Variants in SOX6 observed in about 807,000 individuals in gnomAD.
SOX6 encodes the protein SRY-box transcription factor 6.
A neutral mutation model predicts 97.8 loss-of-function variants in SOX6; 11 were observed. The observed-to-expected ratio is 0.11, with a 90% CI of 0.07 to 0.19. The LOEUF is 0.19. Among genes scored for constraint, SOX6 ranks in the 10% least tolerant of loss-of-function variants. The probability of loss-of-function intolerance (pLI) is 1.00; values close to 1 mark genes in which losing one functional copy is unlikely to be tolerated. For synonymous variants in SOX6, 360 were observed against 371.4 expected (o/e 0.97, Z 0.35); for missense variants, 810 against 1,039.5 (o/e 0.78, Z 3.04).
At chr11:16,333,573 C>A (rs550656057) in intron 2 of SOX6, among the ~76,000 whole-genome samples, 1 of 151,732 alleles carries the variant, frequency 6.6e-6, no homozygotes, top group Non-Finnish European at 1.5e-5. Flanking sequence ...TTGATTAACC[C>A]TGACCAACTT....
At chr11:16,661,031 T>A (rs1475856199) in intron 3 of SOX6, among the ~76,000 whole-genome samples, 1 of 152,252 alleles carries the variant, frequency 6.6e-6, no homozygotes, top group East Asian at 1.9e-4. Context: ...ACCTGTCTTT[T>A]ACTGATAAAT....
intron 12 of SOX6, among the ~76,000 whole-genome samples, chr11:16,028,802 T>C (rs1183121661): frequency 1.3e-5 from 2 of 152,200 alleles, no homozygotes; most frequent in Non-Finnish European, 2.9e-5. Context: ...CTTCCACTGT[T>C]TCCACAATGG....
chr11:16,722,615 C>T (rs778565558), intron 2 of SOX6, among the ~76,000 whole-genome samples: 2 of 151,944 alleles, frequency 1.3e-5, no homozygotes, highest in Non-Finnish European at 2.9e-5. Context: ...CACACCACTG[C>T]ACTCCAGCCT....
intron 1 of SOX6, among the ~76,000 whole-genome samples, chr11:16,420,670 T>C (rs1565139274): frequency 6.6e-6 from 1 of 152,188 alleles, no homozygotes; most frequent in Non-Finnish European, 1.5e-5. Context: ...ACTCCCCATA[T>C]TTATATAACT....
At chr11:16,022,500 C>T (rs1855096337) in intron 12 of SOX6, among the ~76,000 whole-genome samples, 1 of 151,912 alleles carries the variant, frequency 6.6e-6, no homozygotes, top group Admixed American at 6.6e-5. Context: ...CAACCTCTGC[C>T]TCCCAGATTC....
intron 4 of SOX6, among the ~76,000 whole-genome samples, chr11:16,231,413 A>C (rs1460028613): frequency 6.6e-6 from 1 of 151,758 alleles, no homozygotes; most frequent in Non-Finnish European, 1.5e-5. Context: ...ATAGTCAAAA[A>C]ACTCATTAAA....
chr11:16,043,034 C>T (rs1855718152), intron 12 of SOX6, among the ~76,000 whole-genome samples: 1 of 152,136 alleles, frequency 6.6e-6, no homozygotes, highest in Non-Finnish European at 1.5e-5. Flanking sequence ...TTAACATCTA[C>T]CCCTTCATTA....
rs36059733 is a variant in SOX6 at position 16,717,953 on chromosome 11, CTT to C, written n.354-3050_354-3049del. Among the ~76,000 whole-genome samples the C allele has an allele frequency of 3.1e-4, 42 of 134,748 alleles. No homozygotes were observed. The East Asian group carries it at 3.5e-3, about 11-fold the overall frequency. The allele number at this position is 134,748 out of a possible 152,430, so 88.4% of individuals were successfully genotyped here. A position where few individuals can be genotyped will look rare whatever the true frequency, so the allele number is the denominator to read the frequency against. Reference sequence around the variant, plus strand: ...TTATAACTGTTCTTTTCCTGTTTTTCTTTTTTTTTTTTTTTCCAACCATTTTG... The same window carrying C: ...TTATAACTGTTCTTTTCCTGTTTTTCTTTTTTTTTTTTTCCAACCATTTTG... On this transcript the variant is annotated intron_variant and non_coding_transcript_variant, in intron 2 of 5. Transcript: ENST00000524520.
rs1361103579 is a variant in SOX6, at chr11:16,178,873, TG to T, written c.777+5012del. ...TGTGGGATTGAAGTCAGCTTCTGACTGTCCTCGGTTTTTCTGTTGGGTGCTC... is the reference window on the plus strand; with the variant it reads ...TGTGGGATTGAAGTCAGCTTCTGACTTCCTCGGTTTTTCTGTTGGGTGCTC... On this transcript the variant is annotated intron_variant, in intron 6 of 15. Coordinates refer to ENST00000683767, the MANE Select transcript of SOX6 (RefSeq NM_001367873.1). Among the ~76,000 whole-genome samples, 5 of 152,072 alleles carry T rather than the reference TG, an allele frequency of 3.3e-5. No individual in the cohort carries two copies. In the South Asian group the frequency reaches 6.2e-4, roughly 19 times the overall value.
Position 15,973,087 on chromosome 11 carries a change from T to A in SOX6, c.2209A>T (p.Thr737Ser). 2 of 1,614,108 alleles carry A rather than the reference T, an allele frequency of 1.2e-6. No homozygotes were observed. Among genetic ancestry groups the A allele is most frequent in the Non-Finnish European group, 1.7e-6 (2 of 1,180,024 alleles). Reference protein sequence around the residue: ...VGQQPQIPITTGTGVVYPGAI... With the variant: ...VGQQPQIPITSGTGVVYPGAI... ...CCAGGATACACAACACCTGTTCCTG[T>A]GGTGATTGGAATCTGAGGCTGTTGC... is the stretch of plus-strand genomic sequence containing the variant. The change falls in exon 16 of 16, where the codon ACA becomes TCA. Residue 737 changes from threonine to serine, a missense_variant. Physicochemically the swap from Thr to Ser is moderately conservative, Grantham distance 58. Coordinates refer to ENST00000683767, the MANE Select transcript of SOX6 (RefSeq NM_001367873.1).
intron 4 of SOX6, among the ~76,000 whole-genome samples, chr11:16,485,624 G>A (rs1353674354): frequency 1.3e-5 from 2 of 151,212 alleles, no homozygotes; most frequent in Admixed American, 6.6e-5. Flanking sequence ...CCAGCTACTC[G>A]GGAGGCTGAG....
intron 4 of SOX6, among the ~76,000 whole-genome samples, chr11:16,191,134 T>G (rs1343098058): frequency 6.6e-6 from 1 of 152,188 alleles, no homozygotes; most frequent in African/African-American, 2.4e-5. Flanking sequence ...GATCTTCGAA[T>G]GCTCTTATGC....
intron 2 of SOX6, among the ~76,000 whole-genome samples, chr11:16,337,080 A>T (rs1237281724): frequency 6.6e-6 from 1 of 152,174 alleles, no homozygotes; most frequent in African/African-American, 2.4e-5. Flanking sequence ...GTTCTATGAT[A>T]ACAGGGATCT....
At chr11:16,586,839 C>CA (rs1382801406) in intron 4 of SOX6, among the ~76,000 whole-genome samples, 1 of 152,206 alleles carries the variant, frequency 6.6e-6, no homozygotes, top group Non-Finnish European at 1.5e-5. Context: ...CATAGAAGTA[C>CA]AGACAGTCCT....
chr11:16,734,391 A>G (rs1042388276), intron 2 of SOX6, among the ~76,000 whole-genome samples: 1 of 152,264 alleles, frequency 6.6e-6, no homozygotes, highest in Non-Finnish European at 1.5e-5. Context: ...GGAATAATGC[A>G]TTTTTCACAT....
At chr11:16,380,623 A>T (rs1021370339) in intron 1 of SOX6, among the ~76,000 whole-genome samples, 29 of 152,216 alleles carry the variant, frequency 1.9e-4, no homozygotes, top group African/African-American at 7.0e-4. Context: ...TTTTTCTAAA[A>T]AAAGCAAATC....
At chr11:16,214,168 A>G (rs1852303558) in intron 4 of SOX6, among the ~76,000 whole-genome samples, 1 of 152,242 alleles carries the variant, frequency 6.6e-6, no homozygotes, top group African/African-American at 2.4e-5. Flanking sequence ...TTGATTAAGT[A>G]GCCACATGTG....
intron 4 of SOX6, among the ~76,000 whole-genome samples, chr11:16,556,636 C>A (rs955047887): frequency 6.6e-6 from 1 of 151,724 alleles, no homozygotes; most frequent in East Asian, 1.9e-4. Context: ...GATGAAATAC[C>A]CAGCATCAAG....
chr11:15,989,289 TCA>T, intron 13 of SOX6, 59 bp from the exon 14 acceptor site: 1 of 1,421,996 alleles, frequency 7.0e-7, no homozygotes, highest in Non-Finnish European at 9.5e-7. Context: ...GTGGATAATG[TCA>T]CACAGCTTGC....
Sources: gnomAD v4.1 joint callset for allele counts (sites outside exome capture counted in the v4.1 genomes callset) on GRCh38, gnomAD v4.1.1 for gene constraint, MANE v1.5 for transcripts, NCBI Gene and HGNC (gene_info 2026-07-23, HGNC 2026-07-21) for gene names.